The following PDE8B variants were observed in gnomAD, a reference collection of about 807,000 sequenced individuals.
The protein encoded by PDE8B is phosphodiesterase 8B.
Under a neutral mutation model 101.3 loss-of-function variants are expected in PDE8B, and 26 were observed. That is an observed-to-expected ratio of 0.26 (90% CI 0.19 to 0.36). The LOEUF is 0.36. PDE8B is among the 10% of genes least tolerant of loss of function. The pLI is 1.00. For missense variants in PDE8B, 810 were observed against 1,163.1 expected (o/e 0.70, Z 4.42); for synonymous variants, 424 against 429.3 (o/e 0.99, Z 0.15).
chr5:77,249,727 G>A (rs1409497082), intron 1 of PDE8B, among the ~76,000 whole-genome samples: 2 of 152,232 alleles, frequency 1.3e-5, no homozygotes, highest in Admixed American at 1.3e-4. Flanking sequence ...CTTATCAGCT[G>A]TCAAGGCCAT....
the PDE8B span, among the ~76,000 whole-genome samples, chr5:77,179,627 G>A: frequency 6.6e-6 from 1 of 152,208 alleles, no homozygotes; most frequent in Non-Finnish European, 1.5e-5. Flanking sequence ...GATTTGGGTG[G>A]GGGGCGGCTC....
At chr5:77,205,437 T>C in the PDE8B span, among the ~76,000 whole-genome samples, 149 of 152,328 alleles carry the variant, frequency 9.8e-4, no homozygotes, top group Non-Finnish European at 1.4e-3. Flanking sequence ...TTGTCTCTCT[T>C]TCTTTTTTCC....
chr5:77,344,779 A>C (rs1779856757), intron 6 of PDE8B, 74 bp from the exon 7 acceptor site: 18 of 967,556 alleles, frequency 1.9e-5, no homozygotes, highest in Non-Finnish European at 2.4e-5. Context: ...GTATCTGTTT[A>C]CTTTGTTAAA....
chr5:77,320,917 A>G (rs1774902968), intron 2 of PDE8B, among the ~76,000 whole-genome samples: 1 of 152,182 alleles, frequency 6.6e-6, no homozygotes, highest in South Asian at 2.1e-4. Flanking sequence ...GAGGGAATGC[A>G]TTACTTAAGT....
chr5:77,107,294 T>A, the PDE8B span, among the ~76,000 whole-genome samples: 1 of 152,180 alleles, frequency 6.6e-6, no homozygotes, highest in Non-Finnish European at 1.5e-5. Flanking sequence ...CTTAATCCAG[T>A]CTATCTTATT....
Position 77,404,752 on chromosome 5 carries a change from A to AAAG in PDE8B, c.1245_1247dup (p.Glu416dup). 6.2e-7 allele frequency: 1 copy of AAAG among 1,607,276 alleles called. No homozygotes were observed. Among genetic ancestry groups the AAAG allele is most frequent in the Non-Finnish European group, 8.5e-7 (1 of 1,173,816 alleles). On this transcript the variant is annotated inframe_insertion, in exon 12 of 22. Coordinates refer to ENST00000264917, the MANE Select transcript of PDE8B (RefSeq NM_003719.5). ...TTCATTCAGATATAAGAACAGGAGGAAAGAGTCCATTGACGTGAAATCGAT... is the reference window on the plus strand; with the variant it reads ...TTCATTCAGATATAAGAACAGGAGGAAAGAAGAGTCCATTGACGTGAAATCGAT...
chr5:77,143,859 A>ATTTTTTTTT, the PDE8B span: 1 of 115,184 alleles, frequency 8.7e-6, no homozygotes, highest in African/African-American at 3.3e-5. Context: ...TTCTTGAGGG[A>ATTTTTTTTT]TTTTTTTTTT....
At chr5:77,097,729 A>ATCTATATATATATATC in the PDE8B span, among the ~76,000 whole-genome samples, 1 of 68,818 alleles carries the variant, frequency 1.5e-5, no homozygotes, top group Non-Finnish European at 3.5e-5. Flanking sequence ...ATATATATAT[A>ATCTATATATATATATC]TATACATACA....
At chr5:77,234,307 C>T (rs144435108) in intron 1 of PDE8B, among the ~76,000 whole-genome samples, 142 of 152,182 alleles carry the variant, frequency 9.3e-4, no homozygotes, top group African/African-American at 2.9e-3. Context: ...GAACCTAGAC[C>T]TGGAAGGACT....
intron 1 of PDE8B, among the ~76,000 whole-genome samples, chr5:77,239,445 T>C (rs1755305475): frequency 1.3e-5 from 2 of 152,234 alleles, no homozygotes; most frequent in Admixed American, 1.3e-4. Flanking sequence ...TAGCAGTACA[T>C]AAACAACCTA....
At chr5:77,102,301 A>G in the PDE8B span, among the ~76,000 whole-genome samples, 13 of 152,282 alleles carry the variant, frequency 8.5e-5, no homozygotes, top group Admixed American at 7.2e-4. Context: ...CTGCACAAGA[A>G]TTGTTAGGAA....
chr5:77,376,047 C>A (rs1011183320), intron 10 of PDE8B, among the ~76,000 whole-genome samples: 43 of 152,172 alleles, frequency 2.8e-4, no homozygotes, highest in Middle Eastern at 3.4e-3. Context: ...CATGTGCCAC[C>A]ACGCCTGGCT....
At chr5:77,425,929 A>G (rs3816608) in intron 21 of PDE8B, 33 bp downstream of exon 21, 60,525 of 1,598,656 alleles carry the variant, frequency 0.038, 3,352 homozygotes, top group African/African-American at 0.21. Flanking sequence ...ACCCAAAGAA[A>G]ATTGTTATAC....
chr5:77,290,713 C>T lies in PDE8B; in HGVS notation c.340-21281C>T, dbSNP rs565840107. 5.4e-4 allele frequency: 807 copies of T among 1,499,058 alleles called. 2 individuals carry two copies. The highest frequency in any genetic ancestry group is 1.7e-3 in the Middle Eastern group (8 of 4,780). 92.9% of individuals were successfully genotyped at this position (1,499,058 alleles called of 1,614,324 possible). A position where few individuals can be genotyped will look rare whatever the true frequency, so the allele number is the denominator to read the frequency against. ...TTGCCTTCTGAAAGACCTGGCCATG[C>T]ACTGATTGAGCAGTGGAATCCTGTA... is the stretch of plus-strand genomic sequence containing the variant. On this transcript the variant is annotated intron_variant, in intron 1 of 21. Coordinates refer to ENST00000264917, the MANE Select transcript of PDE8B (RefSeq NM_003719.5).
At chr5:77,312,120 T>TTTGAGA in intron 2 of PDE8B, 67 bp downstream of exon 2, 3 of 1,153,960 alleles carry the variant, frequency 2.6e-6, no homozygotes, top group Non-Finnish European at 3.9e-6. Flanking sequence ...TTTTTTTTTT[T>TTTGAGA]TGAGATGGAG....
intron 10 of PDE8B, among the ~76,000 whole-genome samples, chr5:77,386,883 T>G (rs1458283868): frequency 8.8e-6 from 1 of 113,170 alleles, no homozygotes; most frequent in East Asian, 2.7e-4. Context: ...TTTTTTTTTT[T>G]TTTTTTTTTT....
intron 7 of PDE8B, among the ~76,000 whole-genome samples, chr5:77,348,043 C>T (rs73764804): frequency 6.6e-6 from 1 of 152,060 alleles, no homozygotes; most frequent in Admixed American, 6.6e-5. Context: ...TTCAGTCACC[C>T]ACCAAAGGCC....
chr5:77,154,780 A>G, the PDE8B span, among the ~76,000 whole-genome samples: 1 of 152,168 alleles, frequency 6.6e-6, no homozygotes, highest in Non-Finnish European at 1.5e-5. Context: ...CCATCTGAAA[A>G]GGGGAAAGTC....
chr5:77,192,287 C>T, the PDE8B span, among the ~76,000 whole-genome samples: 1 of 152,120 alleles, frequency 6.6e-6, no homozygotes, highest in Non-Finnish European at 1.5e-5. Context: ...TAGATATAGA[C>T]CAGTTCTATC....
Sources: gnomAD v4.1 joint callset for allele counts (sites outside exome capture counted in the v4.1 genomes callset) on GRCh38, gnomAD v4.1.1 for gene constraint, MANE v1.5 for transcripts, NCBI Gene and HGNC (gene_info 2026-07-23, HGNC 2026-07-21) for gene names.